Variants in EXOC4 observed in about 807,000 individuals in gnomAD.
EXOC4 encodes the protein SEC8-like 1.
EXOC4 carries 71 observed loss-of-function variants against 107.2 expected under a neutral mutation model. The ratio of observed to expected loss-of-function variants is 0.66; its 90% CI spans 0.55 to 0.81. EXOC4 has a LOEUF of 0.81. Among genes scored for constraint, EXOC4 ranks in the 30% least tolerant of loss-of-function variants. The pLI, the probability that EXOC4 is intolerant of heterozygous loss-of-function variation, is 0.00. For synonymous variants in EXOC4, 456 were observed against 441.2 expected, an observed-to-expected ratio of 1.03 and a Z score of -0.42; for missense variants, 1,108 against 1,189.6, an observed-to-expected ratio of 0.93 and a Z score of 1.01.
chr7:133,688,259 A>C (rs371013841), intron 10 of EXOC4, among the ~76,000 whole-genome samples: 1 of 152,316 alleles, frequency 6.6e-6, no homozygotes, highest in African/African-American at 2.4e-5. Context: ...GTAGGCACAC[A>C]GTGCATGGAA....
At chr7:134,035,275 C>T (rs1044443463) in intron 17 of EXOC4, among the ~76,000 whole-genome samples, 1 of 151,972 alleles carries the variant, frequency 6.6e-6, no homozygotes, top group Non-Finnish European at 1.5e-5. Flanking sequence ...GAACTCCTGA[C>T]CTCAGGTGAT....
At chr7:133,395,482 T>G (rs1049176438) in intron 7 of EXOC4, among the ~76,000 whole-genome samples, 1 of 152,102 alleles carries the variant, frequency 6.6e-6, no homozygotes, top group Admixed American at 6.6e-5. Flanking sequence ...ATCTACTGTA[T>G]CTCCCTGATC....
chr7:133,970,336 C>T (rs1161867801), intron 14 of EXOC4, among the ~76,000 whole-genome samples: 2 of 151,938 alleles, frequency 1.3e-5, no homozygotes, highest in African/African-American at 2.4e-5. Flanking sequence ...CTTCAGCCCC[C>T]TTTCCAGGGG....
intron 10 of EXOC4, among the ~76,000 whole-genome samples, chr7:133,674,409 T>G (rs1200396889): frequency 6.6e-6 from 1 of 152,212 alleles, no homozygotes; most frequent in Non-Finnish European, 1.5e-5. Context: ...ACTTAATTTA[T>G]TTTAAATTTT....
chr7:133,458,475 TA>T (rs1398152023), intron 7 of EXOC4, among the ~76,000 whole-genome samples: 2 of 152,230 alleles, frequency 1.3e-5, no homozygotes, highest in Admixed American at 1.3e-4. Context: ...GCAGCAAATT[TA>T]TGGAGGAAGC....
At chr7:133,978,774 A>G (rs181584388) in intron 14 of EXOC4, among the ~76,000 whole-genome samples, 1 of 152,320 alleles carries the variant, frequency 6.6e-6, no homozygotes, top group Admixed American at 6.5e-5. Context: ...CTGCCTGAGC[A>G]TCTTTCTGCC....
chr7:133,949,418 G>A (rs941086504), intron 14 of EXOC4, among the ~76,000 whole-genome samples: 5 of 152,084 alleles, frequency 3.3e-5, no homozygotes, highest in Non-Finnish European at 7.4e-5. Flanking sequence ...TTTTATGAAA[G>A]GAAGAGTAAT....
chr7:133,500,828 G>A (rs1799561491), intron 9 of EXOC4, among the ~76,000 whole-genome samples: 1 of 152,058 alleles, frequency 6.6e-6, no homozygotes, highest in Non-Finnish European at 1.5e-5. Flanking sequence ...CATTATGGTG[G>A]TTTATATTTA....
intron 2 of EXOC4, among the ~76,000 whole-genome samples, chr7:133,277,411 C>G (rs1794021318): frequency 6.6e-6 from 1 of 152,162 alleles, no homozygotes; most frequent in African/African-American, 2.4e-5. Flanking sequence ...AGACTTTGTC[C>G]TAATCTCATG....
chr7:133,403,662 G>A (rs1797144677), intron 7 of EXOC4, among the ~76,000 whole-genome samples: 1 of 152,142 alleles, frequency 6.6e-6, no homozygotes, highest in Non-Finnish European at 1.5e-5. Context: ...GGGTTTTGTG[G>A]CTCATACCTG....
chr7:133,485,079 C>CAAAAAAAAAAAAA (rs1491252321), intron 9 of EXOC4, among the ~76,000 whole-genome samples: 1 of 27,870 alleles, frequency 3.6e-5, no homozygotes, highest in African/African-American at 1.1e-4. Context: ...GACTCCGTCT[C>CAAAAAAAAAAAAA]AAAAAATAAA....
intron 12 of EXOC4, among the ~76,000 whole-genome samples, chr7:133,904,314 C>T (rs1443035298): frequency 6.6e-6 from 1 of 152,146 alleles, no homozygotes; most frequent in Non-Finnish European, 1.5e-5. Flanking sequence ...GGGTGTGCAA[C>T]TGGAGTGATT....
intron 7 of EXOC4, among the ~76,000 whole-genome samples, chr7:133,415,857 A>G (rs752894946): frequency 2.6e-5 from 4 of 152,186 alleles, no homozygotes; most frequent in Non-Finnish European, 4.4e-5. Context: ...CCAAGGAACA[A>G]TTAAAACATA....
intron 17 of EXOC4, among the ~76,000 whole-genome samples, chr7:134,030,508 T>C (rs1795244225): frequency 6.6e-6 from 1 of 152,114 alleles, no homozygotes; most frequent in Non-Finnish European, 1.5e-5. Context: ...TGCCTAACAA[T>C]GCGGCTAGAG....
Position 133,269,180 on chromosome 7 carries a change from T to C in EXOC4, c.87-5802T>C, listed in dbSNP as rs555164471. Reference sequence around the variant, plus strand: ...AGACTGTTATTACTAAAAAAGCTGCTTGGTGCTCTCTTTCCATCCCTAACT... The same window carrying C: ...AGACTGTTATTACTAAAAAAGCTGCCTGGTGCTCTCTTTCCATCCCTAACT... On this transcript the variant is annotated intron_variant, in intron 1 of 17. Transcript: ENST00000253861. 6.6e-5 allele frequency among the ~76,000 whole-genome samples: 10 copies of C among 152,314 alleles called. No homozygotes were observed. The East Asian group carries it at 1.9e-3, about 29-fold the overall frequency.
intron 17 of EXOC4, among the ~76,000 whole-genome samples, chr7:134,052,360 A>G (rs556026391): frequency 1.3e-5 from 2 of 152,294 alleles, no homozygotes; most frequent in Non-Finnish European, 2.9e-5. Context: ...ATAAAACAAA[A>G]ACCCAGCAGA....
At chr7:133,653,153 T>G (rs1234518246) in intron 10 of EXOC4, among the ~76,000 whole-genome samples, 1 of 152,186 alleles carries the variant, frequency 6.6e-6, no homozygotes, top group African/African-American at 2.4e-5. Flanking sequence ...TTTCTACATA[T>G]TACATGGTGG....
the EXOC4 span, among the ~76,000 whole-genome samples, chr7:134,074,420 C>T: frequency 2.6e-5 from 4 of 152,144 alleles, no homozygotes; most frequent in Non-Finnish European, 5.9e-5. Flanking sequence ...CCAGGTAACC[C>T]TATAGGGTGG....
intron 9 of EXOC4, among the ~76,000 whole-genome samples, chr7:133,579,344 A>G (rs1801199807): frequency 6.6e-6 from 1 of 152,188 alleles, no homozygotes; most frequent in African/African-American, 2.4e-5. Flanking sequence ...ATTTCTTTTG[A>G]TAAGAAAATA....
Sources: allele counts gnomAD v4.1 joint callset (sites outside exome capture counted in the v4.1 genomes callset), GRCh38; gene constraint gnomAD v4.1.1; transcripts MANE v1.5; gene names NCBI Gene and HGNC (gene_info 2026-07-23, HGNC 2026-07-21).